SHISA6: variants seen among roughly 807,000 people sequenced by gnomAD.
The protein encoded by SHISA6 is protein shisa-6.
In SHISA6, 22 loss-of-function variants were observed where a neutral mutation model predicts 47.9. The ratio of observed to expected loss-of-function variants is 0.46; its 90% CI spans 0.33 to 0.66. SHISA6 has a LOEUF of 0.66. SHISA6 is among the 30% of genes least tolerant of loss of function. SHISA6 has a pLI of 0.02. For synonymous variants in SHISA6, 388 were observed against 337.8 expected, an observed-to-expected ratio of 1.15 and a Z score of -1.63; for missense variants, 680 against 764.6, an observed-to-expected ratio of 0.89 and a Z score of 1.30.
At chr17:11,326,066 C>T (rs936567167) in intron 2 of SHISA6, among the ~76,000 whole-genome samples, 18 of 152,084 alleles carry the variant, frequency 1.2e-4, no homozygotes, top group African/African-American at 2.4e-5. Context: ...GTCAGGAGAT[C>T]GTTAGCCATC....
intron 1 of SHISA6, among the ~76,000 whole-genome samples, chr17:11,252,026 C>T (rs999390339): frequency 3.9e-5 from 6 of 152,124 alleles, no homozygotes; most frequent in African/African-American, 7.2e-5. Flanking sequence ...ACTAGTCTTC[C>T]GCAGGAACCC....
chr17:11,553,690 G>A (rs958189778), intron 4 of SHISA6, among the ~76,000 whole-genome samples: 2 of 151,962 alleles, frequency 1.3e-5, no homozygotes, highest in African/African-American at 4.8e-5. Flanking sequence ...CCTTATTCTG[G>A]GCCAAGCACT....
intron 2 of SHISA6, among the ~76,000 whole-genome samples, chr17:11,315,496 A>C (rs1597454099): frequency 6.6e-6 from 1 of 152,196 alleles, no homozygotes; most frequent in Non-Finnish European, 1.5e-5. Context: ...GGCATCCCTT[A>C]TAGAAATGTC....
In SHISA6 at chr17:11,557,995, G is replaced by A. The variant is rs367709694; in HGVS notation, c.1347G>A (p.Thr449=). The change falls in exon 6 of 6, where the codon ACG becomes ACA. Residue 449 remains threonine, a synonymous_variant. Transcript: ENST00000441885. ...TGTCCGACGAGCAGCTGCTCTCCACGGAGCGCCTGCACTCCCAGGACCCGC... is the reference window on the plus strand; with the variant it reads ...TGTCCGACGAGCAGCTGCTCTCCACAGAGCGCCTGCACTCCCAGGACCCGC... ...RILSDEQLLS[T]ERLHSQDPLL... is the part of the protein sequence containing the mutation. The A allele has an allele frequency of 2.1e-4, 331 of 1,551,336 alleles. 3 individuals are homozygous for A. The highest frequency in any genetic ancestry group is 1.9e-3 in the African/African-American group (140 of 73,156).
chr17:11,501,133 A>G (rs905684878), intron 3 of SHISA6, among the ~76,000 whole-genome samples: 9 of 148,004 alleles, frequency 6.1e-5, no homozygotes, highest in Non-Finnish European at 1.0e-4. Flanking sequence ...TTTTTTTGAG[A>G]TGGAGTTTTG....
At chr17:11,511,817 G>A (rs991068595) in intron 3 of SHISA6, among the ~76,000 whole-genome samples, 2 of 152,210 alleles carry the variant, frequency 1.3e-5, no homozygotes, top group Non-Finnish European at 2.9e-5. Context: ...CTGCATTAGA[G>A]AAGACAGTAA....
chr17:11,450,536 G>A (rs1352051507), intron 3 of SHISA6, among the ~76,000 whole-genome samples: 1 of 151,998 alleles, frequency 6.6e-6, no homozygotes, highest in Non-Finnish European at 1.5e-5. Flanking sequence ...GCAAGCACCT[G>A]TAATCCTGGG....
At chr17:11,422,016 G>T (rs374267454) in intron 3 of SHISA6, among the ~76,000 whole-genome samples, 1 of 152,130 alleles carries the variant, frequency 6.6e-6, no homozygotes, top group Non-Finnish European at 1.5e-5. Context: ...TTATGTCAGC[G>T]CTTGTCTCCC....
intron 3 of SHISA6, among the ~76,000 whole-genome samples, chr17:11,546,568 G>A (rs1293351126): frequency 6.6e-6 from 1 of 152,176 alleles, no homozygotes. Context: ...AAAGGAAGCT[G>A]GGATGGCAAT....
chr17:11,293,191 A>G (rs937946793), intron 2 of SHISA6, among the ~76,000 whole-genome samples: 2 of 152,110 alleles, frequency 1.3e-5, no homozygotes, highest in African/African-American at 4.8e-5. Context: ...TAAGTTTTTC[A>G]CAGTTGCATT....
intron 3 of SHISA6, among the ~76,000 whole-genome samples, chr17:11,445,223 C>T (rs1379166769): frequency 6.6e-6 from 1 of 151,906 alleles, no homozygotes; most frequent in Non-Finnish European, 1.5e-5. Flanking sequence ...TTATGAGGGC[C>T]GTAATTCATT....
At chr17:11,260,525 C>G (rs1274945081) in intron 1 of SHISA6, among the ~76,000 whole-genome samples, 1 of 151,966 alleles carries the variant, frequency 6.6e-6, no homozygotes. Context: ...CTCTCTGACC[C>G]CCTTTCCCTG....
chr17:11,287,140 G>A (rs373307400), intron 2 of SHISA6, among the ~76,000 whole-genome samples: 8 of 152,132 alleles, frequency 5.3e-5, no homozygotes, highest in African/African-American at 1.9e-4. Context: ...TATGCTTGTA[G>A]TCCCAGTTAC....
chr17:11,382,915 C>T lies in SHISA6; in HGVS notation c.895+3406C>T, dbSNP rs180757521. Among the ~76,000 whole-genome samples the T allele has an allele frequency of 1.7e-3, 245 of 144,434 alleles. 1 individual carries two copies. The highest frequency in any genetic ancestry group is 5.9e-3 in the African/African-American group (233 of 39,494). 94.8% of individuals were successfully genotyped at this position (144,434 alleles called of 152,430 possible). A position where few individuals can be genotyped will look rare whatever the true frequency, so the allele number is the denominator to read the frequency against. On this transcript the variant is annotated intron_variant, in intron 3 of 5. Transcript: ENST00000441885. ...TCTTCATTGGAATCTTAGTCGACAT[C>T]AGTCCTGTCAGCCTTTTTTTTTTTT...
At chr17:11,255,101 T>C (rs1433622435) in intron 1 of SHISA6, among the ~76,000 whole-genome samples, 1 of 152,218 alleles carries the variant, frequency 6.6e-6, no homozygotes, top group African/African-American at 2.4e-5. Flanking sequence ...TGTTTGCCTG[T>C]TTTGTTTACA....
intron 3 of SHISA6, among the ~76,000 whole-genome samples, chr17:11,439,725 C>G (rs895208002): frequency 1.3e-5 from 2 of 152,182 alleles, no homozygotes; most frequent in Non-Finnish European, 1.5e-5. Flanking sequence ...TCCTTCCACC[C>G]TCTTCTTCCC....
chr17:11,246,888 A>G (rs1355173851), intron 1 of SHISA6, among the ~76,000 whole-genome samples: 1 of 151,986 alleles, frequency 6.6e-6, no homozygotes, highest in Non-Finnish European at 1.5e-5. Flanking sequence ...ATACTTTTCA[A>G]ATTCCCTACA....
chr17:11,400,833 TC>T (rs1281246874), intron 3 of SHISA6, among the ~76,000 whole-genome samples: 1 of 152,236 alleles, frequency 6.6e-6, no homozygotes, highest in Non-Finnish European at 1.5e-5. Flanking sequence ...GAAATGTTTT[TC>T]ACCGACTTGA....
chr17:11,521,232 C>T (rs1016733749), intron 3 of SHISA6, among the ~76,000 whole-genome samples: 5 of 152,136 alleles, frequency 3.3e-5, no homozygotes, highest in South Asian at 2.1e-4. Context: ...TTCTTTAAAG[C>T]AAGGTTTTGA....
Sources: allele counts gnomAD v4.1 joint callset (sites outside exome capture counted in the v4.1 genomes callset), GRCh38; gene constraint gnomAD v4.1.1; transcripts MANE v1.5; gene names NCBI Gene and HGNC (gene_info 2026-07-23, HGNC 2026-07-21).